Variants in DHX8 observed in about 807,000 individuals in gnomAD.
DHX8 encodes the protein ATP-dependent RNA helicase DHX8.
A neutral mutation model predicts 140.7 loss-of-function variants in DHX8; 67 were observed. That is an observed-to-expected ratio of 0.48 (90% CI 0.39 to 0.58). The LOEUF (loss-of-function observed/expected upper bound fraction) is 0.58. Ranked by LOEUF, DHX8 falls within the 20% of genes least tolerant of loss-of-function variation. DHX8 has a pLI of 0.00. For synonymous variants in DHX8, 533 were observed against 553.2 expected (o/e 0.96, Z 0.51); for missense variants, 887 against 1,550.7 (o/e 0.57, Z 7.19).
intron 9 of DHX8, among the ~76,000 whole-genome samples, chr17:43,497,629 C>T (rs751245326): frequency 2.6e-5 from 4 of 151,928 alleles, no homozygotes; most frequent in Non-Finnish European, 5.9e-5. Flanking sequence ...GTGATGTGTG[C>T]CTGTACTCCC....
intron 3 of DHX8, among the ~76,000 whole-genome samples, chr17:43,540,809 A>C (rs1971482382): frequency 6.6e-6 from 1 of 152,128 alleles, no homozygotes; most frequent in African/African-American, 2.4e-5. Context: ...AGCTGGGGTG[A>C]TGGGAGCAGA....
At chr17:43,498,530 A>C (rs1969005878) in intron 9 of DHX8, among the ~76,000 whole-genome samples, 1 of 151,418 alleles carries the variant, frequency 6.6e-6, no homozygotes, top group African/African-American at 2.4e-5. Flanking sequence ...GCTCACTGCA[A>C]CCTCTGCCTC....
At position 43,533,168 on chromosome 17, in the gene DHX8, G is replaced by C. The variant is rs758816053; in HGVS notation, c.351-3244G>C. 32 of 1,612,428 alleles carry C rather than the reference G, an allele frequency of 2.0e-5. No homozygotes were observed. In the South Asian group the frequency reaches 3.4e-4, roughly 17 times the overall value. ...AAAACACCTGGGCCCATGAGCAGTG[G>C]GTTTCCCTGTCTCCTTACCTATGTT... On this transcript the variant is annotated intron_variant, in intron 2 of 3. Transcript: ENST00000589898.
chr17:43,536,664 C>T (rs1971259357), intron 3 of DHX8, among the ~76,000 whole-genome samples: 1 of 152,272 alleles, frequency 6.6e-6, no homozygotes, highest in South Asian at 2.1e-4. Context: ...CTAACACTAA[C>T]GATAGCTGAT....
intron 3 of DHX8, among the ~76,000 whole-genome samples, chr17:43,540,474 A>G (rs891220679): frequency 6.6e-6 from 1 of 152,126 alleles, no homozygotes; most frequent in Admixed American, 6.5e-5. Flanking sequence ...ATAAAAATAA[A>G]ATAAAAACAC....
At chr17:43,504,914 G>C (rs562544915) in intron 12 of DHX8, 89 bp downstream of exon 12, 1 of 1,222,662 alleles carries the variant, frequency 8.2e-7, no homozygotes, top group East Asian at 2.4e-5. Context: ...AACGGGACAA[G>C]TATGTGCCTA....
At chr17:43,541,700 A>G (rs1338639517) in intron 3 of DHX8, among the ~76,000 whole-genome samples, 2 of 152,150 alleles carry the variant, frequency 1.3e-5, no homozygotes, top group East Asian at 3.8e-4. Context: ...TGAAGGGGGT[A>G]GAGGCATTCT....
chr17:43,521,605 C>A, intron 21 of DHX8, 40 bp downstream of exon 21: 1 of 1,573,244 alleles, frequency 6.4e-7, no homozygotes, highest in Non-Finnish European at 8.7e-7. Flanking sequence ...TTGAGTTGAA[C>A]CACCTTGAGT....
intron 15 of DHX8, 99 bp from the exon 16 acceptor site, chr17:43,508,240 A>G (rs1319863129): frequency 1.4e-6 from 2 of 1,466,020 alleles, no homozygotes; most frequent in Admixed American, 4.5e-5. Flanking sequence ...ATGAATGCAT[A>G]TGTTCTGTTA....
Position 43,517,307 on chromosome 17 carries a change from A to T in DHX8, c.2784A>T (p.Thr928=), listed in dbSNP as rs377566829. 1 of 1,614,028 alleles carries T rather than the reference A, an allele frequency of 6.2e-7. No homozygotes were observed. The highest frequency in any genetic ancestry group is 8.5e-7 in the Non-Finnish European group (1 of 1,179,974). ...PEIQRTNLAS[T]VLSLKAMGIN... ...TCCAGAGAACCAACTTAGCAAGCACAGTGCTGTCACTCAAGGTAGAAATCA... is the reference window on the plus strand; with the variant it reads ...TCCAGAGAACCAACTTAGCAAGCACTGTGCTGTCACTCAAGGTAGAAATCA... The change falls in exon 18 of 23, where the codon ACA becomes ACT. Residue 928 remains threonine, a synonymous_variant. Transcript: ENST00000262415.
intron 12 of DHX8, 140 bp from the exon 13 acceptor site, chr17:43,506,863 T>G (rs1397326049): frequency 1.2e-5 from 7 of 592,150 alleles, no homozygotes; most frequent in Non-Finnish European, 1.1e-5. Context: ...TATATTCCTC[T>G]TTTCTTTGGT....
chr17:43,489,427 G>T, intron 1 of DHX8, 22 bp from the exon 2 acceptor site: 1 of 1,537,042 alleles, frequency 6.5e-7, no homozygotes, highest in South Asian at 1.2e-5. Flanking sequence ...CTTCTTTTCT[G>T]AATTCTGTTT....
At chr17:43,504,292 G>A (rs1969368971) in intron 11 of DHX8, among the ~76,000 whole-genome samples, 1 of 150,466 alleles carries the variant, frequency 6.6e-6, no homozygotes, top group East Asian at 2.0e-4. Context: ...CAGAAGGTCG[G>A]GGCTGCAGTG....
At chr17:43,504,417 T>G (rs926464282) in intron 11 of DHX8, among the ~76,000 whole-genome samples, 14 of 152,226 alleles carry the variant, frequency 9.2e-5, no homozygotes, top group African/African-American at 3.4e-4. Context: ...TAACCTTTTT[T>G]CTGACATCAC....
chr17:43,506,865 T>C (rs916659885), intron 12 of DHX8, 138 bp from the exon 13 acceptor site: 69 of 592,758 alleles, frequency 1.2e-4, no homozygotes, highest in Middle Eastern at 9.7e-4. Context: ...TATTCCTCTT[T>C]TCTTTGGTGT....
rs762205482 is a variant in DHX8 at position 43,492,680 on chromosome 17, G to C, written c.504-1G>C. On this transcript the variant is annotated splice_acceptor_variant, in intron 5 of 22. Transcript: ENST00000262415. LOFTEE classifies it high-confidence loss of function. ...TAAACAGGTGCTTATTGATTTGTTA[G>C]GGACAGGACAAAGAAGAAGAAGCGG... The C allele has an allele frequency of 7.9e-6, 12 of 1,519,740 alleles. No individual in the cohort carries two copies. Among genetic ancestry groups the C allele is most frequent in the Non-Finnish European group, 1.1e-5 (12 of 1,094,320 alleles). 94.1% of individuals were successfully genotyped at this position (1,519,740 alleles called of 1,614,324 possible).
At chr17:43,516,513 C>T (rs746584081) in intron 17 of DHX8, among the ~76,000 whole-genome samples, 3 of 152,078 alleles carry the variant, frequency 2.0e-5, no homozygotes, top group Non-Finnish European at 4.4e-5. Flanking sequence ...GGTGTGATTA[C>T]GGCTTACTGC....
Position 43,524,933 on chromosome 17 carries a change from C to T in DHX8, c.*1086C>T. ...TTGGAGAATAGCCACCTCCTTGTGC[C>T]CTCCTCACAGCTCCTGAGGAGGGTT... On this transcript the variant is annotated 3_prime_UTR_variant, in exon 23 of 23. Transcript: ENST00000262415. 1.0e-6 allele frequency: 1 copy of T among 985,282 alleles called. No individual in the cohort carries two copies. Among genetic ancestry groups the T allele is most frequent in the Non-Finnish European group, 1.2e-6 (1 of 829,936 alleles). 61.0% of individuals were successfully genotyped at this position (985,282 alleles called of 1,614,324 possible).
intron 12 of DHX8, among the ~76,000 whole-genome samples, chr17:43,506,615 T>G (rs1214046297): frequency 1.4e-5 from 2 of 146,648 alleles, no homozygotes; most frequent in African/African-American, 5.0e-5. Context: ...TGAGACTTCA[T>G]CTCAAAAAAA....
Sources: allele counts gnomAD v4.1 joint callset (sites outside exome capture counted in the v4.1 genomes callset), GRCh38; gene constraint gnomAD v4.1.1; transcripts MANE v1.5; gene names NCBI Gene and HGNC (gene_info 2026-07-23, HGNC 2026-07-21).